The following TLE2 variants were observed in gnomAD, a reference collection of about 807,000 sequenced individuals.
The protein encoded by TLE2 is transducin-like enhancer protein 2.
In TLE2, 74 loss-of-function variants were observed where a neutral mutation model predicts 97.2. That is an observed-to-expected ratio of 0.76 (90% CI 0.63 to 0.92). The LOEUF (loss-of-function observed/expected upper bound fraction) is 0.92, where lower values mean the gene tolerates loss of function less well. Ranked by LOEUF, TLE2 falls within the 40% of genes least tolerant of loss-of-function variation. TLE2 has a pLI of 0.00. For missense variants in TLE2, 1,038 were observed against 1,008.7 expected (o/e 1.03, Z -0.39); for synonymous variants, 499 against 432.1 (o/e 1.15, Z -1.92).
At chr19:3,015,557 G>A in intron 9 of TLE2, 96 bp downstream of exon 9, 1 of 962,802 alleles carries the variant, frequency 1.0e-6, no homozygotes, top group African/African-American at 1.6e-5. Flanking sequence ...CGGAGTGAGA[G>A]AATTATGGCC....
rs545181690 is a variant in TLE2, at chr19:3,000,808, T to G, written c.2048-85A>C. 85 of 965,704 alleles carry G rather than the reference T, an allele frequency of 8.8e-5. No homozygotes were observed. The South Asian group carries it at 1.2e-3, about 13-fold the overall frequency. 59.8% of individuals were successfully genotyped at this position (965,704 alleles called of 1,614,324 possible). Reference sequence around the variant, plus strand: ...AGGGGGAGGTCGGGGAAGCTGGGTCTGGGTCTGGCCTCTCCCTTTTTTTTT... The same window carrying G: ...AGGGGGAGGTCGGGGAAGCTGGGTCGGGGTCTGGCCTCTCCCTTTTTTTTT... On this transcript the variant is annotated intron_variant, in intron 18 of 19. Transcript: ENST00000262953.
chr19:3,022,542 AT>A (rs371752633), intron 5 of TLE2, among the ~76,000 whole-genome samples: 3 of 151,780 alleles, frequency 2.0e-5, no homozygotes, highest in African/African-American at 7.3e-5. Flanking sequence ...AAAAAAAAAA[AT>A]TTTTTTAAGG....
Position 3,029,110 on chromosome 19 carries a change from G to A in TLE2, c.-206C>T, listed in dbSNP as rs574723206. The A allele has an allele frequency of 4.0e-4, 469 of 1,178,798 alleles. 1 individual carries two copies. The African/African-American group carries it at 6.9e-3, about 17-fold the overall frequency. The allele number at this position is 1,178,798 out of a possible 1,614,324, so 73.0% of individuals were successfully genotyped here. A position where few individuals can be genotyped will look rare whatever the true frequency, so the allele number is the denominator to read the frequency against. On this transcript the variant is annotated 5_prime_UTR_variant, in exon 1 of 20. Coordinates refer to ENST00000262953, the MANE Select transcript of TLE2 (RefSeq NM_003260.5). ...GGTCGTGGGAGCCCCTCCCCGGGTT[G>A]GGGTGCGCGGGGCGAGCGGGGCGGG...
At chr19:3,042,798 G>A (rs1334619388) in intron 1 of TLE2, among the ~76,000 whole-genome samples, 1 of 152,116 alleles carries the variant, frequency 6.6e-6, no homozygotes, top group Non-Finnish European at 1.5e-5. Context: ...TAGCTCGGAA[G>A]TCGGTTTCAT....
rs765677660 is a variant in TLE2, at chr19:3,039,486, G to A, written c.63+6240C>T. 3.9e-5 allele frequency among the ~76,000 whole-genome samples: 6 copies of A among 152,036 alleles called. No individual in the cohort carries two copies. In the South Asian group the frequency reaches 1.0e-3, roughly 26 times the overall value. On this transcript the variant is annotated intron_variant, in intron 1 of 18. Coordinates refer to the TLE2 transcript ENST00000426948. ...TGGTTGTTCCCTCTGCCTGAACCAC[G>A]GCCAGCCTTTCTCTTCCTTTCAGAT...
chr19:3,006,398 C>T (rs1190995433), intron 15 of TLE2, 22 bp downstream of exon 15: 1 of 1,604,564 alleles, frequency 6.2e-7, no homozygotes, highest in Non-Finnish European at 8.5e-7. Context: ...GAGTCCCGCC[C>T]ACTGTCCCAC....
intron 15 of TLE2, 70 bp downstream of exon 15, chr19:3,006,350 A>G (rs2089477026): frequency 7.1e-6 from 11 of 1,555,054 alleles, no homozygotes; most frequent in Non-Finnish European, 8.7e-6. Context: ...GCCTGCGAAC[A>G]CCGCCCCATT....
At chr19:3,024,055 G>A (rs1265371906) in intron 5 of TLE2, among the ~76,000 whole-genome samples, 20 of 149,296 alleles carry the variant, frequency 1.3e-4, no homozygotes, top group African/African-American at 4.5e-4. Flanking sequence ...GAGTGCAGCG[G>A]CGCAATCTCT....
At chr19:3,043,995 A>G (rs1289609374) in intron 1 of TLE2, among the ~76,000 whole-genome samples, 2 of 151,728 alleles carry the variant, frequency 1.3e-5, no homozygotes, top group African/African-American at 4.8e-5. Flanking sequence ...AAAACAAAAA[A>G]CAAAACAACA....
intron 4 of TLE2, chr19:3,025,616 T>C (rs546180825): frequency 4.1e-6 from 4 of 985,794 alleles, no homozygotes; most frequent in Admixed American, 1.2e-4. Flanking sequence ...GGATTTCATC[T>C]GGAGAGGGTC....
upstream of TLE2, among the ~76,000 whole-genome samples, chr19:3,031,578 C>T (rs2090025614): frequency 6.6e-6 from 1 of 151,904 alleles, no homozygotes; most frequent in Non-Finnish European, 1.5e-5. Flanking sequence ...GATCCTCCCA[C>T]CTCGGCCTCC....
intron 17 of TLE2, among the ~76,000 whole-genome samples, chr19:3,004,376 A>G (rs2089429180): frequency 6.6e-6 from 1 of 151,944 alleles, no homozygotes. Flanking sequence ...GCGGTGGCTC[A>G]GGCCTGTAAT....
chr19:3,015,915 A>G (rs1219067243), intron 8 of TLE2, 155 bp from the exon 9 acceptor site: 1 of 703,154 alleles, frequency 1.4e-6, no homozygotes. Context: ...CGGCTGACTC[A>G]GTGCTAAGGT....
chr19:2,998,291 T>G (rs2089269843), intron 19 of TLE2, among the ~76,000 whole-genome samples: 1 of 142,268 alleles, frequency 7.0e-6, no homozygotes, highest in African/African-American at 2.9e-5. Flanking sequence ...TTTTTTTTTT[T>G]TTGTGAGACA....
chr19:3,031,347 T>TGC (rs1363687639), upstream of TLE2, among the ~76,000 whole-genome samples: 3 of 45,986 alleles, frequency 6.5e-5, 1 homozygote, highest in African/African-American at 7.4e-5. Flanking sequence ...TACAATTGTG[T>TGC]GTGTGTGTGT....
In TLE2 at chr19:3,011,111, G is replaced by A. The variant is rs199630903; in HGVS notation, c.923C>T (p.Pro308Leu). 1.4e-3 allele frequency: 2,224 copies of A among 1,610,676 alleles called. 5 individuals carry two copies. The highest frequency in any genetic ancestry group is 1.6e-3 in the Non-Finnish European group (1,908 of 1,178,876). Residue 308 changes from proline (P) to leucine (L), a missense_variant, in exon 12 of 20, where the codon CCG becomes CTG. By Grantham distance (98) the Pro-to-Leu change is moderately conservative (BLOSUM62 -3). Transcript: ENST00000262953. The part of the protein sequence containing the change: ...TPASKSCDSS[P>L]PQDASTPGPS... Reference sequence around the variant, plus strand: ...CCCGGGGGTGGAAGCGTCCTGGGGCGGGGAGGAGTCACAGGATTTGGAGGC... The same window carrying A: ...CCCGGGGGTGGAAGCGTCCTGGGGCAGGGAGGAGTCACAGGATTTGGAGGC...
chr19:3,022,400 G>A (rs1012272936), intron 5 of TLE2, among the ~76,000 whole-genome samples: 4 of 151,548 alleles, frequency 2.6e-5, no homozygotes, highest in African/African-American at 4.8e-5. Flanking sequence ...ATGATGGTGG[G>A]TGCCTGTAAT....
At chr19:3,015,314 G>A (rs1374229825) in intron 9 of TLE2, among the ~76,000 whole-genome samples, 1 of 152,210 alleles carries the variant, frequency 6.6e-6, no homozygotes, top group East Asian at 1.9e-4. Flanking sequence ...CTAGGAGGTG[G>A]TCAGGGAAGG....
chr19:3,002,576 T>A (rs1277934731), intron 17 of TLE2, 73 bp from the exon 18 acceptor site: 2 of 1,512,260 alleles, frequency 1.3e-6, no homozygotes, highest in Non-Finnish European at 1.8e-6. Context: ...TCTCACTCCG[T>A]CACCCAGGCT....
Sources: allele counts gnomAD v4.1 joint callset (sites outside exome capture counted in the v4.1 genomes callset), GRCh38; gene constraint gnomAD v4.1.1; transcripts MANE v1.5; gene names NCBI Gene and HGNC (gene_info 2026-07-23, HGNC 2026-07-21).